The following HHLA2 variants were observed in gnomAD, a reference collection of about 807,000 sequenced individuals.
The protein encoded by HHLA2 is HHLA2 member of B7 family, also known as HERV-H LTR-associating protein 2.
A neutral mutation model predicts 45.9 loss-of-function variants in HHLA2; 48 were observed. That is an observed-to-expected ratio of 1.05 (90% confidence interval 0.83 to 1.33). HHLA2 has a LOEUF of 1.33. HHLA2 is among the 40% of genes most tolerant of loss of function. HHLA2 has a pLI of 0.00. For missense variants in HHLA2, 462 were observed against 494.3 expected, an observed-to-expected ratio of 0.93 and a Z score of 0.62; for synonymous variants, 161 against 173.9, an observed-to-expected ratio of 0.93 and a Z score of 0.59.
At chr3:108,346,635 T>C (rs773225899) in intron 3 of HHLA2, among the ~76,000 whole-genome samples, 9 of 152,222 alleles carry the variant, frequency 5.9e-5, no homozygotes, top group Non-Finnish European at 1.3e-4. Context: ...CCAGCAGTTA[T>C]GAGGCCAGGA....
At chr3:108,324,885 A>G (rs1196175559) in intron 2 of HHLA2, among the ~76,000 whole-genome samples, 1 of 152,030 alleles carries the variant, frequency 6.6e-6, no homozygotes, top group Non-Finnish European at 1.5e-5. Flanking sequence ...TGCATTCTAT[A>G]GTTCTTTTAC....
At chr3:108,369,735 C>G (rs2082133557) in intron 8 of HHLA2, among the ~76,000 whole-genome samples, 1 of 152,186 alleles carries the variant, frequency 6.6e-6, no homozygotes, top group Non-Finnish European at 1.5e-5. Context: ...AGTCTGAGAT[C>G]AAACTGCAAG....
At chr3:108,305,359 T>G (rs77401698) in intron 1 of HHLA2, among the ~76,000 whole-genome samples, 1 of 152,104 alleles carries the variant, frequency 6.6e-6, no homozygotes, top group East Asian at 1.9e-4. Flanking sequence ...CCAGCAATTC[T>G]CTTGGTCGTA....
chr3:108,325,234 AC>A (rs2107357840), intron 2 of HHLA2, among the ~76,000 whole-genome samples: 1 of 152,096 alleles, frequency 6.6e-6, no homozygotes, highest in African/African-American at 2.4e-5. Context: ...GGTGCAAAAA[AC>A]AAAAAAAAAC....
chr3:108,312,507 C>T (rs1240466630), intron 2 of HHLA2, among the ~76,000 whole-genome samples: 1 of 6,558 alleles, frequency 1.5e-4, no homozygotes, highest in African/African-American at 1.6e-4. Context: ...CCTTTGTATA[C>T]ACTCTTCCAG....
At chr3:108,307,936 T>C (rs1321119599) in intron 1 of HHLA2, among the ~76,000 whole-genome samples, 1 of 152,226 alleles carries the variant, frequency 6.6e-6, no homozygotes, top group Non-Finnish European at 1.5e-5. Context: ...TTTTAATACA[T>C]GCATGCAATG....
chr3:108,375,111 A>G (rs1306847543), intron 8 of HHLA2, among the ~76,000 whole-genome samples: 1 of 151,816 alleles, frequency 6.6e-6, no homozygotes, highest in African/African-American at 2.4e-5. Flanking sequence ...CTGGATTAAG[A>G]AAATGTGACA....
chr3:108,319,298 T>C (rs1033523985), intron 2 of HHLA2, among the ~76,000 whole-genome samples: 3 of 152,134 alleles, frequency 2.0e-5, no homozygotes, highest in African/African-American at 7.2e-5. Flanking sequence ...ACTTCTCCAT[T>C]GGTCAGGCTG....
intron 3 of HHLA2, among the ~76,000 whole-genome samples, chr3:108,343,605 A>G (rs1356015308): frequency 6.6e-6 from 1 of 152,150 alleles, no homozygotes; most frequent in African/African-American, 2.4e-5. Flanking sequence ...TCTTCACACC[A>G]ATTCCTTGAT....
intron 1 of HHLA2, among the ~76,000 whole-genome samples, chr3:108,296,964 A>C (rs2080771034): frequency 6.6e-6 from 1 of 152,226 alleles, no homozygotes; most frequent in African/African-American, 2.4e-5. Flanking sequence ...TTGTTCATCT[A>C]GTTACACTAC....
chr3:108,357,751 A>T, intron 6 of HHLA2, 93 bp from the exon 6 acceptor site: 1 of 996,910 alleles, frequency 1.0e-6, no homozygotes, highest in Non-Finnish European at 1.5e-6. Flanking sequence ...TATCAGTATT[A>T]GTGCCTTTGT....
exon 3 of HHLA2, chr3:108,328,293 C>A: frequency 6.5e-7 from 1 of 1,526,812 alleles, no homozygotes; most frequent in Non-Finnish European, 8.8e-7. Context: ...ACTAACCCTG[C>A]ACAGATTGTG....
intron 10 of HHLA2, chr3:108,376,955 C>G (rs2082286499): frequency 2.7e-6 from 1 of 372,164 alleles, no homozygotes; most frequent in Non-Finnish European, 4.9e-6. Context: ...TTCCTTTTTA[C>G]TGCATTCCTT....
chr3:108,306,904 G>A (rs2080939528), intron 1 of HHLA2, among the ~76,000 whole-genome samples: 1 of 151,988 alleles, frequency 6.6e-6, no homozygotes, highest in Admixed American at 6.5e-5. Flanking sequence ...CACACAGGCT[G>A]GAGTGCAATG....
chr3:108,368,511 A>G (rs2082105959), intron 8 of HHLA2, among the ~76,000 whole-genome samples: 1 of 132,290 alleles, frequency 7.6e-6, no homozygotes, highest in South Asian at 2.8e-4. Flanking sequence ...GGGATGGAGG[A>G]ATATTTACCA....
rs953211021 is a variant in HHLA2 at position 108,362,274 on chromosome 3, C to T, written c.1004-68C>T. ...AGTAAACATACTCCACCCTTACCCA[C>T]CCACACATTTCTTATCTGGTAATTT... is the stretch of plus-strand genomic sequence containing the variant. On this transcript the variant is annotated intron_variant, in intron 7 of 10. Transcript: ENST00000619531. The T allele has an allele frequency of 2.7e-6, 3 of 1,128,590 alleles. No individual in the cohort carries two copies. The African/African-American group carries it at 4.7e-5, about 18-fold the overall frequency. 69.9% of individuals were successfully genotyped at this position (1,128,590 alleles called of 1,614,324 possible).
At chr3:108,333,526 A>G (rs957801968) in intron 3 of HHLA2, among the ~76,000 whole-genome samples, 4 of 149,328 alleles carry the variant, frequency 2.7e-5, no homozygotes, top group Non-Finnish European at 5.9e-5. Flanking sequence ...TCAACTGGAC[A>G]TCCTGGATTT....
At chr3:108,322,485 T>G (rs1161762597) in intron 2 of HHLA2, among the ~76,000 whole-genome samples, 1 of 152,204 alleles carries the variant, frequency 6.6e-6, no homozygotes, top group African/African-American at 2.4e-5. Flanking sequence ...AGAGCTTTCA[T>G]GCCCACCTCC....
chr3:108,325,838 C>A (rs1041590497), intron 2 of HHLA2: 1 of 356,662 alleles, frequency 2.8e-6, no homozygotes, highest in Non-Finnish European at 5.4e-6. Flanking sequence ...ACTACCTCCA[C>A]GACCACCACT....
Sources: allele counts gnomAD v4.1 joint callset (sites outside exome capture counted in the v4.1 genomes callset), GRCh38; gene constraint gnomAD v4.1.1; transcripts MANE v1.5; gene names NCBI Gene and HGNC (gene_info 2026-07-23, HGNC 2026-07-21).